The following MNAT1 variants were observed in gnomAD, a reference collection of about 807,000 sequenced individuals.
MNAT1 encodes the protein MNAT1 component of CDK activating kinase, also known as CDK-activating kinase assembly factor MAT1.
A neutral mutation model predicts 42.0 loss-of-function variants in MNAT1; 43 were observed. The observed-to-expected ratio is 1.02, with a 90% CI of 0.80 to 1.32. The LOEUF (loss-of-function observed/expected upper bound fraction) is 1.32. Among genes scored for constraint, MNAT1 ranks in the 40% most tolerant of loss-of-function variants. The pLI, the probability that MNAT1 is intolerant of heterozygous loss-of-function variation, is 0.00. For synonymous variants in MNAT1, 118 were observed against 120.0 expected, an observed-to-expected ratio of 0.98 and a Z score of 0.11; for missense variants, 306 against 350.4, an observed-to-expected ratio of 0.87 and a Z score of 1.01.
chr14:60,814,248 G>A lies in MNAT1; in HGVS notation c.561+2121G>A, dbSNP rs113921239. Reference sequence around the variant, plus strand: ...AATAGCGGGGTTTTTGCAAATTATTGTTTTCCAGCAATTAGCTTCCTAGGT... The same window carrying A: ...AATAGCGGGGTTTTTGCAAATTATTATTTTCCAGCAATTAGCTTCCTAGGT... On this transcript the variant is annotated intron_variant, in intron 5 of 7. Coordinates refer to ENST00000261245, the MANE Select transcript of MNAT1 (RefSeq NM_002431.4). 5.4e-4 allele frequency among the ~76,000 whole-genome samples: 82 copies of A among 152,184 alleles called. 1 individual carries two copies. The highest frequency in any genetic ancestry group is 1.9e-3 in the African/African-American group (79 of 41,536).
At chr14:60,775,214 G>A (rs2031206023) in intron 1 of MNAT1, among the ~76,000 whole-genome samples, 1 of 152,196 alleles carries the variant, frequency 6.6e-6, no homozygotes, top group Non-Finnish European at 1.5e-5. Flanking sequence ...AGTGTTCCCA[G>A]ATGGAGGAAG....
At chr14:60,822,710 C>G (rs1866688712) in intron 6 of MNAT1, among the ~76,000 whole-genome samples, 1 of 151,410 alleles carries the variant, frequency 6.6e-6, no homozygotes. Flanking sequence ...TTCGAAAGTG[C>G]TAGGATTACA....
At chr14:60,916,632 G>T (rs1234140289) in intron 7 of MNAT1, among the ~76,000 whole-genome samples, 1 of 152,130 alleles carries the variant, frequency 6.6e-6, no homozygotes, top group Non-Finnish European at 1.5e-5. Context: ...TCCAGCCTGG[G>T]TAACAGAGTG....
At chr14:60,946,768 G>GATTTA (rs2036284886) in intron 7 of MNAT1, among the ~76,000 whole-genome samples, 1 of 152,058 alleles carries the variant, frequency 6.6e-6, no homozygotes. Context: ...ATGGGGGTAG[G>GATTTA]ATTTAACATC....
chr14:60,913,089 C>T (rs1333574533), intron 7 of MNAT1, among the ~76,000 whole-genome samples: 1 of 152,204 alleles, frequency 6.6e-6, no homozygotes, highest in Non-Finnish European at 1.5e-5. Context: ...TCTTCCACCG[C>T]TGATACCCTT....
At chr14:60,830,921 TTTC>T (rs2033195056) in intron 6 of MNAT1, among the ~76,000 whole-genome samples, 1 of 152,076 alleles carries the variant, frequency 6.6e-6, no homozygotes, top group African/African-American at 2.4e-5. Flanking sequence ...ACTCTCTAAC[TTTC>T]TTAAACATAC....
intron 6 of MNAT1, among the ~76,000 whole-genome samples, chr14:60,878,091 C>T (rs770657428): frequency 1.9e-4 from 29 of 151,724 alleles, no homozygotes; most frequent in Middle Eastern, 3.2e-3. Context: ...CACTGATTAC[C>T]GAAAATGTCA....
intron 7 of MNAT1, among the ~76,000 whole-genome samples, chr14:60,896,688 T>C (rs1366741282): frequency 6.6e-6 from 1 of 152,158 alleles, no homozygotes; most frequent in Non-Finnish European, 1.5e-5. Flanking sequence ...GGTTTCACCA[T>C]GTTGGCCAGG....
intron 6 of MNAT1, among the ~76,000 whole-genome samples, chr14:60,867,338 G>C (rs535922506): frequency 6.6e-6 from 1 of 152,130 alleles, no homozygotes; most frequent in South Asian, 2.1e-4. Context: ...GTGAAAATTG[G>C]TAATCTAACT....
Position 60,946,429 on chromosome 14 carries a change from C to T in MNAT1, c.810-21800C>T, listed in dbSNP as rs192498036. Reference sequence around the variant, plus strand: ...ATTACAAAATTTGGTGGGTAACTTGCGGTCCTTTTCTTATTTTACCCTTCT... The same window carrying T: ...ATTACAAAATTTGGTGGGTAACTTGTGGTCCTTTTCTTATTTTACCCTTCT... On this transcript the variant is annotated intron_variant, in intron 7 of 7. Coordinates refer to ENST00000261245, the MANE Select transcript of MNAT1 (RefSeq NM_002431.4). Among the ~76,000 whole-genome samples, 356 of 152,278 alleles carry T rather than the reference C, an allele frequency of 2.3e-3. 2 individuals carry two copies. The highest frequency in any genetic ancestry group is 1.7e-3 in the Non-Finnish European group (119 of 68,010).
At chr14:60,959,843 A>G (rs1187262499) in intron 7 of MNAT1, among the ~76,000 whole-genome samples, 1 of 150,188 alleles carries the variant, frequency 6.7e-6, no homozygotes, top group Non-Finnish European at 1.5e-5. Context: ...TACATATTCC[A>G]TGTTTAGCTT....
At chr14:60,907,615 T>C (rs1182866224) in intron 7 of MNAT1, among the ~76,000 whole-genome samples, 2 of 151,020 alleles carry the variant, frequency 1.3e-5, no homozygotes, top group Non-Finnish European at 2.9e-5. Context: ...ACCCTGTCTC[T>C]ATTAAAAAAA....
At chr14:60,928,488 C>G (rs2035810738) in intron 7 of MNAT1, among the ~76,000 whole-genome samples, 1 of 152,270 alleles carries the variant, frequency 6.6e-6, no homozygotes, top group South Asian at 2.1e-4. Context: ...ATGAGGGTTT[C>G]CATTTTCCAC....
In MNAT1 at chr14:60,792,238, C is replaced by T. The variant is rs76469771; in HGVS notation, c.90-3979C>T. Among the ~76,000 whole-genome samples the T allele has an allele frequency of 1.2e-3, 179 of 152,066 alleles. 3 individuals are homozygous for T. The East Asian group carries it at 0.032, about 27-fold the overall frequency. Reference sequence around the variant, plus strand: ...TGGTGATCATTTAGGTCATTTCTACCTCTAAAATTTCTATGATTCGGTTAG... The same window carrying T: ...TGGTGATCATTTAGGTCATTTCTACTTCTAAAATTTCTATGATTCGGTTAG... On this transcript the variant is annotated intron_variant, in intron 1 of 7. Transcript: ENST00000261245.
intron 5 of MNAT1, among the ~76,000 whole-genome samples, chr14:60,815,495 G>A (rs1249820102): frequency 6.6e-6 from 1 of 152,156 alleles, no homozygotes; most frequent in Admixed American, 6.5e-5. Context: ...GGTTACTGGT[G>A]TGAGCCACCG....
intron 7 of MNAT1, among the ~76,000 whole-genome samples, chr14:60,962,654 T>C (rs1487482063): frequency 6.6e-6 from 1 of 152,224 alleles, no homozygotes; most frequent in African/African-American, 2.4e-5. Context: ...ACTGGACTTA[T>C]ACTCCAGTTA....
intron 6 of MNAT1, among the ~76,000 whole-genome samples, chr14:60,846,549 A>G (rs2033687893): frequency 6.6e-6 from 1 of 152,152 alleles, no homozygotes; most frequent in African/African-American, 2.4e-5. Context: ...TAGGCATTTA[A>G]AGCTATAATA....
intron 7 of MNAT1, among the ~76,000 whole-genome samples, chr14:60,902,481 A>G (rs1020812275): frequency 4.6e-5 from 7 of 152,188 alleles, no homozygotes; most frequent in Non-Finnish European, 8.8e-5. Context: ...TATACTTTGA[A>G]GTAAACTTTG....
At chr14:60,786,994 C>T (rs1040451596) in intron 1 of MNAT1, among the ~76,000 whole-genome samples, 3 of 152,028 alleles carry the variant, frequency 2.0e-5, no homozygotes, top group African/African-American at 7.2e-5. Flanking sequence ...TTGAATTTGC[C>T]CTTCCTTTCC....
Sources: allele counts gnomAD v4.1 joint callset (sites outside exome capture counted in the v4.1 genomes callset), GRCh38; gene constraint gnomAD v4.1.1; transcripts MANE v1.5; gene names NCBI Gene and HGNC (gene_info 2026-07-23, HGNC 2026-07-21).